The following NALCN variants were observed in gnomAD, a reference collection of about 807,000 sequenced individuals.
NALCN encodes sodium leak channel, non-selective.
A neutral mutation model predicts 225.3 loss-of-function variants in NALCN; 111 were observed. The ratio of observed to expected loss-of-function variants is 0.49; its 90% CI spans 0.42 to 0.58. NALCN has a LOEUF of 0.58. NALCN is among the 20% of genes least tolerant of loss of function. The pLI is 0.00. For missense variants in NALCN, 1,378 were observed against 2,202.4 expected, an observed-to-expected ratio of 0.63 and a Z score of 7.49; for synonymous variants, 764 against 769.0, an observed-to-expected ratio of 0.99 and a Z score of 0.11.
chr13:101,183,584 G>A lies in NALCN; in HGVS notation c.1765-7210C>T, dbSNP rs145914679. 4.4e-3 allele frequency among the ~76,000 whole-genome samples: 672 copies of A among 152,014 alleles called. 6 individuals are homozygous for A. Among genetic ancestry groups the A allele is most frequent in the African/African-American group, 0.016 (650 of 41,472 alleles). On this transcript the variant is annotated intron_variant, in intron 14 of 43. Transcript: ENST00000251127. ...AAGTGGTTCTCCTGCTTCAGCCTCC[G>A]AAGTAGCTGGGATTTTAGGTGCCTG... is the stretch of plus-strand genomic sequence containing the variant.
rs1393793012 is a variant in NALCN, at chr13:101,243,096, T to G, written c.1267-5174A>C. 1.7e-4 allele frequency among the ~76,000 whole-genome samples: 17 copies of G among 101,664 alleles called. 4 individuals are homozygous for G. The highest frequency in any genetic ancestry group is 5.3e-4 in the African/African-American group (15 of 28,226). The allele number at this position is 101,664 out of a possible 152,430, so 66.7% of individuals were successfully genotyped here. A position where few individuals can be genotyped will look rare whatever the true frequency, so the allele number is the denominator to read the frequency against. On this transcript the variant is annotated intron_variant, in intron 11 of 43. Transcript: ENST00000251127. ...TCTTTCAGTTTGCAGATTTATGTTT[T>G]TTTTTTTTTTTCATTTATGTAAGCT...
At chr13:101,154,685 G>C (rs1349644717) in intron 15 of NALCN, among the ~76,000 whole-genome samples, 1 of 152,186 alleles carries the variant, frequency 6.6e-6, no homozygotes, top group African/African-American at 2.4e-5. Context: ...GATGAGATGA[G>C]AACAAGAAGG....
chr13:101,366,499 T>A (rs34870031), intron 6 of NALCN, among the ~76,000 whole-genome samples: 2 of 152,118 alleles, frequency 1.3e-5, no homozygotes, highest in African/African-American at 4.8e-5. Context: ...TTGTTAACAA[T>A]TTCTCTTAAT....
At chr13:101,289,525 C>CATATATATATATATAT (rs10549837) in intron 9 of NALCN, among the ~76,000 whole-genome samples, 1,582 of 140,604 alleles carry the variant, frequency 0.011, 20 homozygotes, top group Non-Finnish European at 0.017. Context: ...TGAAAATGTG[C>CATATATATATATATAT]ATATATATAT....
At chr13:101,132,058 G>A (rs1179833901) in intron 17 of NALCN, among the ~76,000 whole-genome samples, 1 of 151,422 alleles carries the variant, frequency 6.6e-6, no homozygotes, top group Admixed American at 6.6e-5. Flanking sequence ...GTGTTTCCTT[G>A]GTTGATAATT....
chr13:101,279,824 AAATAAATAAAT>A, intron 10 of NALCN, among the ~76,000 whole-genome samples: 2 of 34,956 alleles, frequency 5.7e-5, no homozygotes, highest in South Asian at 1.7e-3. Context: ...CTCAAAAAAT[AAATAAATAAAT>A]AAAATAAATA....
chr13:101,091,457 CATT>C (rs1013426382), intron 28 of NALCN, among the ~76,000 whole-genome samples: 8 of 152,080 alleles, frequency 5.3e-5, no homozygotes, highest in Non-Finnish European at 8.8e-5. Flanking sequence ...AAGAAGAAAA[CATT>C]AAACTGAAAC....
At chr13:101,181,583 AC>A (rs2039228225) in intron 14 of NALCN, among the ~76,000 whole-genome samples, 1 of 149,922 alleles carries the variant, frequency 6.7e-6, no homozygotes, top group Admixed American at 6.6e-5. Context: ...AAAAAAAAAA[AC>A]AAAAATTAGT....
intron 7 of NALCN, among the ~76,000 whole-genome samples, chr13:101,295,065 C>T (rs2043692633): frequency 6.6e-6 from 1 of 152,106 alleles, no homozygotes; most frequent in African/African-American, 2.4e-5. Flanking sequence ...TCCATATGAA[C>T]AGGCGCCCCC....
rs777113534 is a variant in NALCN at position 101,054,580 on chromosome 13, A to T, written c.*715T>A. 2.6e-5 allele frequency: 4 copies of T among 152,242 alleles called. No individual in the cohort carries two copies. The highest frequency in any genetic ancestry group is 5.9e-5 in the Non-Finnish European group (4 of 68,040). 9.4% of individuals were successfully genotyped at this position (152,242 alleles called of 1,614,324 possible). A position where few individuals can be genotyped will look rare whatever the true frequency, so the allele number is the denominator to read the frequency against. ...TATGTCACTCAAGTGATTTATCTAC[A>T]GGTTTGTTTTAAACCGCTAAGCATC... On this transcript the variant is annotated 3_prime_UTR_variant, in exon 44 of 44. Transcript: ENST00000251127.
chr13:101,336,652 TATA>T (rs1055318763), intron 7 of NALCN, among the ~76,000 whole-genome samples: 2 of 152,210 alleles, frequency 1.3e-5, no homozygotes, highest in African/African-American at 4.8e-5. Context: ...AGAAAAGCTT[TATA>T]ATTTTTTCGT....
In NALCN at chr13:101,397,069, TATATATATATATATATATATATA is replaced by T. The variant is rs1566650654; in HGVS notation, c.109-1727_109-1705del. Among the ~76,000 whole-genome samples, 173 of 61,736 alleles carry T rather than the reference TATATATATATATATATATATATA, an allele frequency of 2.8e-3. 3 individuals carry two copies. The highest frequency in any genetic ancestry group is 0.026 in the South Asian group (49 of 1,854). 40.5% of individuals were successfully genotyped at this position (61,736 alleles called of 152,430 possible). A position where few individuals can be genotyped will look rare whatever the true frequency, so the allele number is the denominator to read the frequency against. ...AAGTAAAACACCTATGAATGTATTATATATATATATATATATATATATATATATATATATATATATACATACAC... is the reference window on the plus strand; with the variant it reads ...AAGTAAAACACCTATGAATGTATTATTATATATATATATATATACATACAC... On this transcript the variant is annotated intron_variant, in intron 2 of 43. Coordinates refer to ENST00000251127, the MANE Select transcript of NALCN (RefSeq NM_052867.4).
At position 101,193,295 on chromosome 13, in the gene NALCN, T is replaced by C. The variant is rs566097588; in HGVS notation, c.1627-1241A>G. ...CCAGGATCTACCAGGCCTAATTACA[T>C]AGTAATCTAAGTATAATTTTCACAC... On this transcript the variant is annotated intron_variant, in intron 13 of 43. Coordinates refer to ENST00000251127, the MANE Select transcript of NALCN (RefSeq NM_052867.4). Among the ~76,000 whole-genome samples the C allele has an allele frequency of 5.3e-5, 8 of 152,242 alleles. No individual in the cohort carries two copies. In the East Asian group the frequency reaches 7.7e-4, roughly 15 times the overall value.
At chr13:101,234,000 G>C (rs551850004) in intron 12 of NALCN, among the ~76,000 whole-genome samples, 4 of 152,104 alleles carry the variant, frequency 2.6e-5, no homozygotes, top group Non-Finnish European at 4.4e-5. Context: ...TCTCCACCTG[G>C]AATGCTTCCC....
intron 6 of NALCN, among the ~76,000 whole-genome samples, chr13:101,367,158 G>C (rs958152424): frequency 3.3e-5 from 5 of 150,894 alleles, no homozygotes; most frequent in African/African-American, 7.3e-5. Flanking sequence ...ATATAAAGTT[G>C]TATTTATTCA....
chr13:101,371,012 C>T (rs2046524098), intron 6 of NALCN, among the ~76,000 whole-genome samples: 1 of 152,118 alleles, frequency 6.6e-6, no homozygotes, highest in Admixed American at 6.6e-5. Context: ...AGAACATGTC[C>T]TCTTTTTAAA....
At chr13:101,218,966 TTG>T (rs1275951655) in intron 13 of NALCN, among the ~76,000 whole-genome samples, 1 of 152,146 alleles carries the variant, frequency 6.6e-6, no homozygotes, top group Non-Finnish European at 1.5e-5. Context: ...TTATGCATAT[TTG>T]TGTCTGTTCT....
At chr13:101,317,421 C>A (rs1363445365) in intron 7 of NALCN, among the ~76,000 whole-genome samples, 1 of 152,204 alleles carries the variant, frequency 6.6e-6, no homozygotes, top group African/African-American at 2.4e-5. Flanking sequence ...CAATCTCCAT[C>A]TGAAAAGTGC....
chr13:101,307,841 C>T (rs1165970025), intron 7 of NALCN, among the ~76,000 whole-genome samples: 1 of 152,112 alleles, frequency 6.6e-6, no homozygotes, highest in Non-Finnish European at 1.5e-5. Context: ...TTTAAATATT[C>T]TTAGAGTTCT....
Sources: gnomAD v4.1 joint callset for allele counts (sites outside exome capture counted in the v4.1 genomes callset) on GRCh38, gnomAD v4.1.1 for gene constraint, MANE v1.5 for transcripts, NCBI Gene and HGNC (gene_info 2026-07-23, HGNC 2026-07-21) for gene names.